Variants in CDH13 observed in about 807,000 individuals in gnomAD.
The protein encoded by CDH13 is cadherin 13.
Under a neutral mutation model 63.8 loss-of-function variants are expected in CDH13, and 24 were observed. The ratio of observed to expected loss-of-function variants is 0.38; its 90% CI spans 0.27 to 0.53. The LOEUF is 0.53. Ranked by LOEUF, CDH13 falls within the 20% of genes least tolerant of loss-of-function variation. The probability of loss-of-function intolerance (pLI) is 0.85; values close to 1 mark genes in which losing one functional copy is unlikely to be tolerated. For synonymous variants in CDH13, 503 were observed against 355.3 expected (o/e 1.42, Z -4.67); for missense variants, 1,049 against 903.1 (o/e 1.16, Z -2.07).
chr16:83,000,536 C>G (rs928579301), intron 2 of CDH13, among the ~76,000 whole-genome samples: 2 of 149,868 alleles, frequency 1.3e-5, no homozygotes. Flanking sequence ...GTGTGAGCCA[C>G]CTCACCCGAC....
At chr16:82,926,316 A>T (rs1258193565) in intron 2 of CDH13, among the ~76,000 whole-genome samples, 1 of 151,880 alleles carries the variant, frequency 6.6e-6, no homozygotes, top group Admixed American at 6.6e-5. Context: ...AGGCCAGAAG[A>T]CCATTGTTTT....
At chr16:83,588,714 T>C (rs1379155001) in intron 7 of CDH13, among the ~76,000 whole-genome samples, 3 of 152,232 alleles carry the variant, frequency 2.0e-5, no homozygotes, top group Non-Finnish European at 2.9e-5. Flanking sequence ...ATCTTCCCAC[T>C]AGACAGATTT....
intron 2 of CDH13, among the ~76,000 whole-genome samples, chr16:82,964,551 C>G (rs1907529735): frequency 6.6e-6 from 1 of 152,172 alleles, no homozygotes; most frequent in South Asian, 2.1e-4. Flanking sequence ...TTGTTTCCAT[C>G]CGCCACGTGG....
chr16:83,140,740 C>T (rs2036495507), intron 4 of CDH13, among the ~76,000 whole-genome samples: 1 of 152,208 alleles, frequency 6.6e-6, no homozygotes, highest in Non-Finnish European at 1.5e-5. Flanking sequence ...CAGGTGCGAG[C>T]CGCTGCACCC....
intron 5 of CDH13, among the ~76,000 whole-genome samples, chr16:83,258,421 C>T (rs1044077416): frequency 6.6e-6 from 1 of 152,100 alleles, no homozygotes; most frequent in African/African-American, 2.4e-5. Flanking sequence ...GATGTTTAGC[C>T]AGCTTCAGTG....
intron 4 of CDH13, among the ~76,000 whole-genome samples, chr16:83,176,105 C>A (rs958831058): frequency 6.6e-6 from 1 of 150,490 alleles, no homozygotes; most frequent in Non-Finnish European, 1.5e-5. Flanking sequence ...TTGCCTCGGT[C>A]TCCCAGAGTG....
At chr16:82,763,839 C>T (rs1009305476) in intron 1 of CDH13, among the ~76,000 whole-genome samples, 24 of 152,150 alleles carry the variant, frequency 1.6e-4, no homozygotes, top group African/African-American at 5.3e-4. Context: ...CACACCACCA[C>T]GCCCAGGTAA....
intron 10 of CDH13, among the ~76,000 whole-genome samples, chr16:83,746,746 G>A (rs1912623556): frequency 6.6e-6 from 1 of 152,206 alleles, no homozygotes; most frequent in South Asian, 2.1e-4. Flanking sequence ...AGTGCCAACA[G>A]CATCTTTCTG....
intron 8 of CDH13, among the ~76,000 whole-genome samples, chr16:83,663,925 C>T (rs1913685715): frequency 6.7e-6 from 1 of 150,044 alleles, no homozygotes; most frequent in Admixed American, 6.7e-5. Flanking sequence ...CTTGGGAGGC[C>T]AAGGCAGGAA....
chr16:82,957,329 C>T (rs750972638), intron 2 of CDH13, among the ~76,000 whole-genome samples: 2 of 152,058 alleles, frequency 1.3e-5, no homozygotes, highest in East Asian at 1.9e-4. Context: ...AAAACTAATC[C>T]GAAGAAATAA....
intron 5 of CDH13, among the ~76,000 whole-genome samples, chr16:83,226,153 C>G (rs914752431): frequency 5.3e-5 from 8 of 152,208 alleles, no homozygotes; most frequent in Non-Finnish European, 8.8e-5. Flanking sequence ...TCACCTCCAC[C>G]TGACTTTTTC....
intron 3 of CDH13, among the ~76,000 whole-genome samples, chr16:83,101,603 G>C (rs984786616): frequency 6.6e-6 from 1 of 152,106 alleles, no homozygotes; most frequent in Non-Finnish European, 1.5e-5. Context: ...AGACCAGCCT[G>C]GCTAACATGG....
chr16:83,073,366 A>T (rs576069089), intron 3 of CDH13, among the ~76,000 whole-genome samples: 13,212 of 150,272 alleles, frequency 0.088, 656 homozygotes, highest in Non-Finnish European at 0.12. Context: ...AGAGAGAGAG[A>T]GAGAGAGAGA....
intron 3 of CDH13, among the ~76,000 whole-genome samples, chr16:83,033,523 G>T (rs1255926733): frequency 1.3e-5 from 2 of 152,126 alleles, no homozygotes. Context: ...CTGTGTATAT[G>T]TATGTGTGTA....
intron 1 of CDH13, among the ~76,000 whole-genome samples, chr16:82,663,809 G>T (rs920012340): frequency 3.7e-4 from 57 of 152,172 alleles, no homozygotes; most frequent in African/African-American, 1.4e-3. Context: ...TCCCCTTTGT[G>T]ATCCTCTTCT....
chr16:82,936,360 C>G (rs1597248296), intron 2 of CDH13, among the ~76,000 whole-genome samples: 1 of 152,132 alleles, frequency 6.6e-6, no homozygotes, highest in African/African-American at 2.4e-5. Context: ...GAACGTGAAC[C>G]CTATTGTGAA....
intron 2 of CDH13, among the ~76,000 whole-genome samples, chr16:82,888,788 C>T (rs569091270): frequency 4.0e-4 from 61 of 152,308 alleles, no homozygotes; most frequent in South Asian, 2.7e-3. Flanking sequence ...ATGTAAACTT[C>T]GCAAGTAAAT....
At chr16:82,844,759 C>G (rs2039186943) in intron 1 of CDH13, 1 of 148,494 alleles carries the variant, frequency 6.7e-6, no homozygotes, top group Non-Finnish European at 1.5e-5. Context: ...CCTGCCTCAG[C>G]CTCCTGAGTA....
intron 3 of CDH13, among the ~76,000 whole-genome samples, chr16:83,111,523 A>G (rs923572542): frequency 1.3e-5 from 2 of 152,230 alleles, no homozygotes; most frequent in South Asian, 2.1e-4. Flanking sequence ...CATACATCAC[A>G]TGGGAGAGAG....
Sources: allele counts gnomAD v4.1 joint callset (sites outside exome capture counted in the v4.1 genomes callset), GRCh38; gene constraint gnomAD v4.1.1; transcripts MANE v1.5; gene names NCBI Gene and HGNC (gene_info 2026-07-23, HGNC 2026-07-21).